Variants in FLT3 observed in about 807,000 individuals in gnomAD.
FLT3 encodes receptor-type tyrosine-protein kinase FLT3.
In FLT3, 46 loss-of-function variants were observed where a neutral mutation model predicts 126.6. That is an observed-to-expected ratio of 0.36 (90% CI 0.29 to 0.46). The LOEUF (loss-of-function observed/expected upper bound fraction) is 0.46, where lower values mean the gene tolerates loss of function less well. Among genes scored for constraint, FLT3 ranks in the 20% least tolerant of loss-of-function variants. The pLI, the probability that FLT3 is intolerant of heterozygous loss-of-function variation, is 1.00. For synonymous variants in FLT3, 404 were observed against 434.4 expected, an observed-to-expected ratio of 0.93 and a Z score of 0.87; for missense variants, 1,069 against 1,190.3, an observed-to-expected ratio of 0.90 and a Z score of 1.50.
At chr13:28,080,031 G>A (rs1297532880) in intron 1 of FLT3, among the ~76,000 whole-genome samples, 1 of 152,136 alleles carries the variant, frequency 6.6e-6, no homozygotes, top group African/African-American at 2.4e-5. Context: ...AGCCACTCAC[G>A]AGGTATCCAC....
chr13:28,082,854 C>A (rs1878426026), intron 1 of FLT3, among the ~76,000 whole-genome samples: 3 of 152,134 alleles, frequency 2.0e-5, no homozygotes, highest in Non-Finnish European at 4.4e-5. Context: ...CAGGCACCCA[C>A]CACCATGCCC....
At chr13:28,083,589 T>C (rs777809347) in intron 1 of FLT3, among the ~76,000 whole-genome samples, 3 of 152,238 alleles carry the variant, frequency 2.0e-5, no homozygotes, top group Non-Finnish European at 4.4e-5. Flanking sequence ...AAATGTTTGG[T>C]GGATTTCCCA....
chr13:28,027,268 G>A (rs771192859), intron 16 of FLT3, 27 bp from the exon 17 acceptor site: 5 of 1,582,926 alleles, frequency 3.2e-6, no homozygotes, highest in Non-Finnish European at 4.3e-6. Context: ...TTCAATTATA[G>A]GCATACACAA....
intron 9 of FLT3, among the ~76,000 whole-genome samples, chr13:28,037,587 C>G (rs1393140692): frequency 2.6e-5 from 4 of 152,144 alleles, no homozygotes; most frequent in Non-Finnish European, 1.5e-5. Flanking sequence ...GAGTCATATG[C>G]CCATTGGGAG....
intron 4 of FLT3, among the ~76,000 whole-genome samples, chr13:28,053,560 T>C (rs1875740185): frequency 6.6e-6 from 1 of 152,098 alleles, no homozygotes; most frequent in Admixed American, 6.5e-5. Context: ...ACGTATCCTT[T>C]ATCCTGAATT....
chr13:28,025,975 C>T (rs1185269137), intron 17 of FLT3, among the ~76,000 whole-genome samples: 1 of 151,982 alleles, frequency 6.6e-6, no homozygotes, highest in African/African-American at 2.4e-5. Flanking sequence ...CCTAAAAAGC[C>T]CCTGGTAAAG....
At chr13:28,021,990 G>A (rs1872434437) in intron 19 of FLT3, among the ~76,000 whole-genome samples, 1 of 151,982 alleles carries the variant, frequency 6.6e-6, no homozygotes, top group Admixed American at 6.6e-5. Context: ...ACCCACCTCG[G>A]CCTCCCAAAG....
At chr13:28,039,638 T>C (rs1874168873) in intron 9 of FLT3, among the ~76,000 whole-genome samples, 1 of 148,010 alleles carries the variant, frequency 6.8e-6, no homozygotes, top group Admixed American at 6.8e-5. Flanking sequence ...AACCTCTGCC[T>C]CCTGGGTTCA....
chr13:28,020,336 T>C (rs1228649930), intron 19 of FLT3, among the ~76,000 whole-genome samples: 1 of 152,132 alleles, frequency 6.6e-6, no homozygotes, highest in Admixed American at 6.6e-5. Flanking sequence ...TTGTCTTTTT[T>C]AAACTTTTTA....
At chr13:28,028,049 G>C (rs937287014) in intron 16 of FLT3, 129 bp downstream of exon 16, 8 of 622,610 alleles carry the variant, frequency 1.3e-5, no homozygotes, top group Non-Finnish European at 2.0e-5. Flanking sequence ...ACTTGGGTTT[G>C]AGAGTTCACA....
intron 23 of FLT3, among the ~76,000 whole-genome samples, chr13:28,008,386 T>G (rs1350036299): frequency 6.6e-6 from 1 of 152,060 alleles, no homozygotes; most frequent in Non-Finnish European, 1.5e-5. Context: ...TCTCACAGGT[T>G]TTAATAGGCA....
rs1875647210 is a variant in FLT3, at chr13:28,052,821, A to T, written c.485-147T>A. 8.5e-6 allele frequency: 4 copies of T among 471,508 alleles called. No homozygotes were observed. The Admixed American group carries it at 1.1e-4, about 13-fold the overall frequency. The allele number at this position is 471,508 out of a possible 1,614,324, so 29.2% of individuals were successfully genotyped here. On this transcript the variant is annotated intron_variant, in intron 4 of 23. Coordinates refer to ENST00000241453, the MANE Select transcript of FLT3 (RefSeq NM_004119.3). ...CTTTTTTCATAATAAAGGCATCAAA[A>T]GCAAACCAACCATTATATTAAATTT...
chr13:28,044,715 A>C (rs1874705992), intron 9 of FLT3, among the ~76,000 whole-genome samples: 1 of 152,130 alleles, frequency 6.6e-6, no homozygotes, highest in Admixed American at 6.5e-5. Flanking sequence ...CCAACAATGC[A>C]CATCATTAGC....
At chr13:28,045,482 T>A (rs1029543319) in intron 9 of FLT3, among the ~76,000 whole-genome samples, 5 of 152,184 alleles carry the variant, frequency 3.3e-5, no homozygotes, top group South Asian at 4.1e-4. Flanking sequence ...GACAGTGATA[T>A]GCTGATTTCC....
intron 4 of FLT3, among the ~76,000 whole-genome samples, chr13:28,053,811 C>T (rs1438521683): frequency 1.3e-5 from 2 of 149,720 alleles, no homozygotes; most frequent in East Asian, 3.9e-4. Context: ...GTAAATATAT[C>T]ATTATTTTTT....
At chr13:28,018,854 T>G (rs1046051873) in intron 19 of FLT3, among the ~76,000 whole-genome samples, 3 of 152,204 alleles carry the variant, frequency 2.0e-5, no homozygotes, top group African/African-American at 7.2e-5. Context: ...TTTTGCAGAT[T>G]CCGAGCAAAA....
intron 15 of FLT3, among the ~76,000 whole-genome samples, chr13:28,033,152 CAAAAAA>C (rs755989941): frequency 2.2e-5 from 3 of 138,338 alleles, no homozygotes; most frequent in Non-Finnish European, 3.1e-5. Context: ...ACCGTATCTA[CAAAAAA>C]AAAAAAAAAT....
At chr13:28,046,383 A>G (rs1333014122) in intron 9 of FLT3, among the ~76,000 whole-genome samples, 1 of 152,160 alleles carries the variant, frequency 6.6e-6, no homozygotes, top group Non-Finnish European at 1.5e-5. Context: ...TCAAGGTGAA[A>G]AGAACTCCTA....
At chr13:28,023,300 A>T (rs375661863) in intron 19 of FLT3, 50 bp downstream of exon 19, 270 of 1,554,302 alleles carry the variant, frequency 1.7e-4, no homozygotes, top group Non-Finnish European at 2.1e-4. Context: ...ATATAAGCAC[A>T]TCTTTTCAAA....
Sources: allele counts gnomAD v4.1 joint callset (sites outside exome capture counted in the v4.1 genomes callset), GRCh38; gene constraint gnomAD v4.1.1; transcripts MANE v1.5; gene names NCBI Gene and HGNC (gene_info 2026-07-23, HGNC 2026-07-21).